EXT2: variants seen among roughly 807,000 people sequenced by gnomAD.
EXT2 encodes exostosin glycosyltransferase 2, also known as exostosin-2.
Under a neutral mutation model 81.6 loss-of-function variants are expected in EXT2, and 53 were observed. The ratio of observed to expected loss-of-function variants is 0.65; its 90% CI spans 0.52 to 0.82. The LOEUF (loss-of-function observed/expected upper bound fraction) is 0.82. EXT2 is among the 40% of genes least tolerant of loss of function. The pLI is 0.00. For missense variants in EXT2, 774 were observed against 910.2 expected (o/e 0.85, Z 1.93); for synonymous variants, 320 against 340.0 (o/e 0.94, Z 0.65).
At chr11:44,144,844 G>A (rs183821822) in intron 7 of EXT2, among the ~76,000 whole-genome samples, 19 of 152,104 alleles carry the variant, frequency 1.2e-4, no homozygotes, top group Non-Finnish European at 2.5e-4. Flanking sequence ...TTCTTCTAAC[G>A]TTCCCCAAGT....
chr11:44,178,373 G>A (rs1038786520), intron 8 of EXT2, among the ~76,000 whole-genome samples: 1 of 152,186 alleles, frequency 6.6e-6, no homozygotes, highest in Non-Finnish European at 1.5e-5. Context: ...ACTCCCTGGA[G>A]AAGGCTCTTC....
chr11:44,194,301 A>G (rs185581991), intron 8 of EXT2, among the ~76,000 whole-genome samples: 644 of 152,268 alleles, frequency 4.2e-3, no homozygotes, highest in Non-Finnish European at 5.7e-3. Context: ...TTTTTATTCC[A>G]TAGACTTTCT....
At chr11:44,161,700 G>A (rs1452303257) in intron 7 of EXT2, among the ~76,000 whole-genome samples, 1 of 152,182 alleles carries the variant, frequency 6.6e-6, no homozygotes, top group African/African-American at 2.4e-5. Context: ...GGGAACAGTA[G>A]TAATTTAGCA....
At chr11:44,161,879 C>A (rs892932976) in intron 7 of EXT2, among the ~76,000 whole-genome samples, 1 of 152,138 alleles carries the variant, frequency 6.6e-6, no homozygotes, top group Non-Finnish European at 1.5e-5. Context: ...TAGAAAACAT[C>A]GGATAAACCC....
chr11:44,152,862 G>T lies in EXT2; in HGVS notation c.1174-18749G>T, dbSNP rs11826505. 8.7e-3 allele frequency among the ~76,000 whole-genome samples: 1,319 copies of T among 152,230 alleles called. 24 individuals are homozygous for T. The highest frequency in any genetic ancestry group is 0.03 in the African/African-American group (1,229 of 41,544). On this transcript the variant is annotated intron_variant, in intron 7 of 13. Transcript: ENST00000533608. ...TATATTTATGTAGGTCTGTGTCTGG[G>T]CTCTCTATTCTGTTCCGTTGATCTG... is the stretch of plus-strand genomic sequence containing the variant.
intron 8 of EXT2, 145 bp downstream of exon 8, chr11:44,171,887 G>C: frequency 8.0e-7 from 1 of 1,245,180 alleles, no homozygotes; most frequent in Non-Finnish European, 1.2e-6. Flanking sequence ...GGCCTGATAA[G>C]GGCAGCATAA....
intron 7 of EXT2, among the ~76,000 whole-genome samples, chr11:44,151,966 T>A (rs911945972): frequency 6.6e-6 from 1 of 152,262 alleles, no homozygotes; most frequent in Non-Finnish European, 1.5e-5. Context: ...CTTAATGATA[T>A]GTGATATTGA....
At chr11:44,236,270 A>G (rs1235806146) in intron 12 of EXT2, 23 bp from the exon 13 acceptor site, 1 of 1,607,336 alleles carries the variant, frequency 6.2e-7, no homozygotes, top group Non-Finnish European at 8.5e-7. Context: ...ACAGCCAGGT[A>G]TGTTTTTGTC....
At chr11:44,178,015 C>T (rs1011198101) in intron 8 of EXT2, among the ~76,000 whole-genome samples, 1 of 152,222 alleles carries the variant, frequency 6.6e-6, no homozygotes, top group Non-Finnish European at 1.5e-5. Context: ...TGGACTTCCT[C>T]TAAGCCTCAG....
chr11:44,217,429 G>A (rs1413093787), intron 10 of EXT2, among the ~76,000 whole-genome samples: 3 of 152,120 alleles, frequency 2.0e-5, no homozygotes, highest in African/African-American at 7.2e-5. Context: ...AAGGCAAAGC[G>A]CTTTGGGAAA....
rs1956134765 is a variant in EXT2, at chr11:44,251,132, C to T, written c.*6845C>T. Among the ~76,000 whole-genome samples the T allele has an allele frequency of 6.6e-6, 1 of 152,130 alleles. No individual in the cohort carries two copies. Among genetic ancestry groups the T allele is most frequent in the Non-Finnish European group, 1.5e-5 (1 of 68,028 alleles). ...TTGGTTTGATATCTTACAACTTGGC[C>T]AAATGAGGGTTCCATTAACTCCATC... On this transcript the variant is annotated 3_prime_UTR_variant, in exon 14 of 14. Coordinates refer to ENST00000533608, the MANE Select transcript of EXT2 (RefSeq NM_207122.2).
chr11:44,244,923 A>T lies in EXT2; in HGVS notation c.*636A>T, dbSNP rs1478162142. The T allele has an allele frequency of 1.3e-5, 3 of 232,876 alleles. No homozygotes were observed. The highest frequency in any genetic ancestry group is 6.6e-5 in the African/African-American group (3 of 45,202). The allele number at this position is 232,876 out of a possible 1,614,324, so 14.4% of individuals were successfully genotyped here. ...TTTGATATGATTAAAATTATTTTTT[A>T]TTCCTTTTTCTACTGTGTCTTAAAC... On this transcript the variant is annotated 3_prime_UTR_variant, in exon 14 of 14. Coordinates refer to ENST00000533608, the MANE Select transcript of EXT2 (RefSeq NM_207122.2).
intron 7 of EXT2, among the ~76,000 whole-genome samples, chr11:44,170,499 G>A (rs1225112919): frequency 2.0e-5 from 3 of 152,050 alleles, no homozygotes; most frequent in Non-Finnish European, 4.4e-5. Context: ...GAATTATGTT[G>A]TGGAAAATCA....
intron 7 of EXT2, among the ~76,000 whole-genome samples, chr11:44,166,457 C>T (rs1954995408): frequency 6.6e-6 from 1 of 152,212 alleles, no homozygotes; most frequent in Non-Finnish European, 1.5e-5. Context: ...TTCTGGACAA[C>T]TTGAGAAAGT....
intron 7 of EXT2, among the ~76,000 whole-genome samples, chr11:44,168,310 A>C (rs1234484083): frequency 6.6e-6 from 1 of 152,230 alleles, no homozygotes; most frequent in Non-Finnish European, 1.5e-5. Context: ...GCACAGAGAG[A>C]AAAAATACTG....
intron 7 of EXT2, among the ~76,000 whole-genome samples, chr11:44,136,442 CT>C (rs765340096): frequency 2.0e-5 from 3 of 152,218 alleles, no homozygotes; most frequent in Non-Finnish European, 4.4e-5. Context: ...AACCACAGAG[CT>C]GTGTGGCCTG....
At chr11:44,114,410 G>A (rs1565199405) in intron 4 of EXT2, 109 bp downstream of exon 4, 1 of 966,152 alleles carries the variant, frequency 1.0e-6, no homozygotes, top group East Asian at 2.4e-5. Flanking sequence ...TACAGGGTAG[G>A]GTCCTTGAGG....
At chr11:44,144,676 G>A (rs1274494688) in intron 7 of EXT2, among the ~76,000 whole-genome samples, 1 of 152,136 alleles carries the variant, frequency 6.6e-6, no homozygotes, top group East Asian at 1.9e-4. Context: ...TTCTATTTCA[G>A]GAGCTGTCTG....
At chr11:44,143,105 C>T (rs1215317914) in intron 7 of EXT2, among the ~76,000 whole-genome samples, 1 of 152,146 alleles carries the variant, frequency 6.6e-6, no homozygotes, top group Admixed American at 6.5e-5. Context: ...GTGTGCACCA[C>T]CACACCTGGC....
Sources: gnomAD v4.1 joint callset for allele counts (sites outside exome capture counted in the v4.1 genomes callset) on GRCh38, gnomAD v4.1.1 for gene constraint, MANE v1.5 for transcripts, NCBI Gene and HGNC (gene_info 2026-07-23, HGNC 2026-07-21) for gene names.